The following NKAIN2 variants were observed in gnomAD, a reference collection of about 807,000 sequenced individuals.
The protein encoded by NKAIN2 is sodium/potassium-transporting ATPase subunit beta-1-interacting protein 2.
In NKAIN2, 14 loss-of-function variants were observed where a neutral mutation model predicts 32.6. The observed-to-expected ratio is 0.43, with a 90% CI of 0.28 to 0.67. NKAIN2 has a LOEUF of 0.67. Ranked by LOEUF, NKAIN2 falls within the 30% of genes least tolerant of loss-of-function variation. NKAIN2 has a pLI of 0.17. For missense variants in NKAIN2, 198 were observed against 258.3 expected (o/e 0.77, Z 1.60); for synonymous variants, 80 against 87.2 (o/e 0.92, Z 0.46).
intron 4 of NKAIN2, among the ~76,000 whole-genome samples, chr6:124,761,651 C>G (rs1185262907): frequency 6.6e-6 from 1 of 152,196 alleles, no homozygotes; most frequent in East Asian, 1.9e-4. Context: ...TTACCCCTTC[C>G]TTACTACGTT....
At position 124,823,558 on chromosome 6, in the gene NKAIN2, G is replaced by T; in HGVS notation, c.*329G>T. On this transcript the variant is annotated 3_prime_UTR_variant, in exon 7 of 7. Coordinates refer to ENST00000368417, the MANE Select transcript of NKAIN2 (RefSeq NM_001040214.3). ...ATGTGTTGATGCCCAACGGTTGCCG[G>T]CCATTGCTAACTCCTCTGCAGCCCA... 3.5e-6 allele frequency: 1 copy of T among 286,902 alleles called. No homozygotes were observed. Among genetic ancestry groups the T allele is most frequent in the Admixed American group, 4.6e-5 (1 of 21,958 alleles). 17.8% of individuals were successfully genotyped at this position (286,902 alleles called of 1,614,324 possible).
chr6:123,935,353 A>C (rs1481602112), intron 1 of NKAIN2, among the ~76,000 whole-genome samples: 2 of 151,512 alleles, frequency 1.3e-5, no homozygotes, highest in Non-Finnish European at 2.9e-5. Flanking sequence ...CAAAGCCATT[A>C]ATTTATAAAG....
intron 1 of NKAIN2, among the ~76,000 whole-genome samples, chr6:124,235,053 G>A (rs368057074): frequency 7.9e-5 from 12 of 152,210 alleles, no homozygotes; most frequent in African/African-American, 2.9e-4. Flanking sequence ...CTACTTTCTG[G>A]CCAAAGCTTA....
chr6:124,288,061 A>G (rs1408629758), intron 2 of NKAIN2, among the ~76,000 whole-genome samples: 2 of 152,194 alleles, frequency 1.3e-5, no homozygotes, highest in African/African-American at 2.4e-5. Flanking sequence ...CTCAGATTTT[A>G]TAGAGGATAG....
In NKAIN2 at chr6:124,813,952, T is replaced by C. The variant is rs545931466; in HGVS notation, c.536-4435T>C. Among the ~76,000 whole-genome samples the C allele has an allele frequency of 2.0e-5, 3 of 152,324 alleles. No individual in the cohort carries two copies. The South Asian group carries it at 6.2e-4, about 32-fold the overall frequency. On this transcript the variant is annotated intron_variant, in intron 5 of 6. Transcript: ENST00000368417. Reference sequence around the variant, plus strand: ...CTCAGAGAAGTTTTAGAATATGCAGTAGTCTCTTTAGAGCCTGAATAAATG... The same window carrying C: ...CTCAGAGAAGTTTTAGAATATGCAGCAGTCTCTTTAGAGCCTGAATAAATG...
intron 1 of NKAIN2, among the ~76,000 whole-genome samples, chr6:123,909,786 G>GGT (rs1375607636): frequency 6.6e-6 from 1 of 152,002 alleles, no homozygotes. Context: ...ATTTTAATAG[G>GGT]GTGTGTGTGC....
Position 124,204,849 on chromosome 6 carries a change from A to G in NKAIN2, c.55-78156A>G, listed in dbSNP as rs553953935. Among the ~76,000 whole-genome samples the G allele has an allele frequency of 1.5e-4, 23 of 151,818 alleles. 1 individual carries two copies. The East Asian group carries it at 4.5e-3, about 29-fold the overall frequency. On this transcript the variant is annotated intron_variant, in intron 1 of 6. Transcript: ENST00000368417. ...TGTTTCTTAATCTTTCAGTGAGTAC[A>G]GTTTCTTAGCATATTACTATAATAC...
intron 4 of NKAIN2, among the ~76,000 whole-genome samples, chr6:124,726,443 G>A (rs1203497502): frequency 2.8e-4 from 42 of 152,116 alleles, no homozygotes; most frequent in African/African-American, 9.2e-4. Context: ...CCCCAGCAGG[G>A]GCACACTGAC....
chr6:124,228,110 A>G (rs1343202245), intron 1 of NKAIN2, among the ~76,000 whole-genome samples: 1 of 152,122 alleles, frequency 6.6e-6, no homozygotes, highest in Non-Finnish European at 1.5e-5. Flanking sequence ...TGAAAGTTCC[A>G]CCCTTATGAT....
At chr6:123,823,648 G>A (rs1774017894) in intron 1 of NKAIN2, among the ~76,000 whole-genome samples, 1 of 152,098 alleles carries the variant, frequency 6.6e-6, no homozygotes, top group African/African-American at 2.4e-5. Context: ...GAAGAGGGCT[G>A]GGACTGTGTA....
intron 1 of NKAIN2, among the ~76,000 whole-genome samples, chr6:124,200,201 T>C (rs1288031079): frequency 6.6e-6 from 1 of 152,142 alleles, no homozygotes; most frequent in East Asian, 1.9e-4. Flanking sequence ...CCTTATTCGC[T>C]TTCACTTGCC....
At chr6:124,771,979 A>G (rs1041361778) in intron 4 of NKAIN2, among the ~76,000 whole-genome samples, 1 of 152,212 alleles carries the variant, frequency 6.6e-6, no homozygotes, top group Non-Finnish European at 1.5e-5. Context: ...ATACAGTGCA[A>G]TAGAAATATA....
At chr6:123,901,384 T>G (rs543057944) in intron 1 of NKAIN2, among the ~76,000 whole-genome samples, 1 of 152,266 alleles carries the variant, frequency 6.6e-6, no homozygotes, top group Non-Finnish European at 1.5e-5. Context: ...TATATTTGTC[T>G]TAGAGCCTCA....
At chr6:124,304,534 A>G (rs1351592338) in intron 2 of NKAIN2, among the ~76,000 whole-genome samples, 1 of 152,342 alleles carries the variant, frequency 6.6e-6, no homozygotes, top group African/African-American at 2.4e-5. Context: ...GAGTAGTGTC[A>G]TGAAAATTAA....
chr6:124,299,469 T>C (rs1796207278), intron 2 of NKAIN2, among the ~76,000 whole-genome samples: 1 of 152,036 alleles, frequency 6.6e-6, no homozygotes, highest in South Asian at 2.1e-4. Context: ...AGAAAAATGA[T>C]TTTTTTTAAA....
chr6:123,896,252 A>G (rs1053081599), intron 1 of NKAIN2, among the ~76,000 whole-genome samples: 1 of 152,218 alleles, frequency 6.6e-6, no homozygotes, highest in Non-Finnish European at 1.5e-5. Flanking sequence ...GCCCTTAACA[A>G]CAGAATCCTG....
Position 124,684,056 on chromosome 6 carries a change from G to A in NKAIN2, c.474+25670G>A, listed in dbSNP as rs972765268. Among the ~76,000 whole-genome samples, 8 of 152,180 alleles carry A rather than the reference G, an allele frequency of 5.3e-5. No homozygotes were observed. In the South Asian group the frequency reaches 1.7e-3, roughly 32 times the overall value. Reference sequence around the variant, plus strand: ...ATCATAAAATTAATTCTTTCTTGAGGATTCAGCTAAAGATTTTTTCTTAGT... The same window carrying A: ...ATCATAAAATTAATTCTTTCTTGAGAATTCAGCTAAAGATTTTTTCTTAGT... On this transcript the variant is annotated intron_variant, in intron 4 of 6. Coordinates refer to ENST00000368417, the MANE Select transcript of NKAIN2 (RefSeq NM_001040214.3).
intron 1 of NKAIN2, among the ~76,000 whole-genome samples, chr6:124,166,942 C>G (rs1306643050): frequency 6.6e-6 from 1 of 150,400 alleles, no homozygotes; most frequent in Non-Finnish European, 1.5e-5. Context: ...AGTTTGAAGT[C>G]AGGTAGCGTG....
intron 1 of NKAIN2, among the ~76,000 whole-genome samples, chr6:124,272,958 C>G (rs1203265982): frequency 6.6e-6 from 1 of 152,188 alleles, no homozygotes; most frequent in Admixed American, 6.5e-5. Flanking sequence ...GAAACATTTA[C>G]CCAATGCCTG....
Sources: allele counts gnomAD v4.1 joint callset (sites outside exome capture counted in the v4.1 genomes callset), GRCh38; gene constraint gnomAD v4.1.1; transcripts MANE v1.5; gene names NCBI Gene and HGNC (gene_info 2026-07-23, HGNC 2026-07-21).